Variants in COL6A3 observed in about 807,000 individuals in gnomAD.
COL6A3 encodes collagen alpha-3(VI) chain.
In COL6A3, 137 loss-of-function variants were observed where a neutral mutation model predicts 274.1. That is an observed-to-expected ratio of 0.50 (90% CI 0.44 to 0.58). The LOEUF (loss-of-function observed/expected upper bound fraction) is 0.58. Among genes scored for constraint, COL6A3 ranks in the 20% least tolerant of loss-of-function variants. COL6A3 has a pLI of 0.00. For synonymous variants in COL6A3, 1,650 were observed against 1,650.6 expected (o/e 1.00, Z 0.01); for missense variants, 3,950 against 4,124.9 (o/e 0.96, Z 1.16).
At position 237,381,225 on chromosome 2, in the gene COL6A3, T is replaced by C. The variant is rs574912582; in HGVS notation, c.1587A>G (p.Leu529=). ...TGAATAGGTTGTTACGAACAAAGTC[T>C]AGAGCAGAGCCCGTGTACAGGGCCG... ...DGSALYTGSA[L]DFVRNNLFTS... is the part of the protein sequence containing the mutation. The change falls in exon 5 of 44, where the codon CTA becomes CTG. Residue 529 remains leucine, a synonymous_variant. Transcript: ENST00000295550. 483 of 1,614,256 alleles carry C rather than the reference T, an allele frequency of 3.0e-4. 10 individuals are homozygous for C. In the South Asian group the frequency reaches 5.0e-3, roughly 17 times the overall value.
Position 237,340,661 on chromosome 2 carries a change from A to C in COL6A3, c.8255T>G (p.Leu2752Arg). 1 of 1,614,226 alleles carries C rather than the reference A, an allele frequency of 6.2e-7. No individual in the cohort carries two copies. Among genetic ancestry groups the C allele is most frequent in the Non-Finnish European group, 8.5e-7 (1 of 1,180,044 alleles). Residue 2752 changes from leucine to arginine, a missense_variant, in exon 38 of 44, where the codon CTG becomes CGG. By Grantham distance (102) the Leu-to-Arg change is moderately radical. This residue lies in a region of COL6A3 where 1,284 missense variants were observed against 1,349.7 expected (regional missense o/e 0.95). Coordinates refer to ENST00000295550, the MANE Select transcript of COL6A3 (RefSeq NM_004369.4). ...CAGGATGACTCTCTGGGCCTCCTCC[A>C]GCTGCTGCTCCGGCACCTCGCCCGT... ...MLTGEVPEQQ[L>R]EEAQRVILQA...
chr2:237,409,098 C>G (rs2078790682), intron 1 of COL6A3, among the ~76,000 whole-genome samples: 1 of 152,134 alleles, frequency 6.6e-6, no homozygotes, highest in Admixed American at 6.5e-5. Context: ...CTCTGTGGCC[C>G]TGTCACTGGG....
chr2:237,397,334 G>A (rs1024461583), intron 1 of COL6A3, among the ~76,000 whole-genome samples: 3 of 149,176 alleles, frequency 2.0e-5, no homozygotes, highest in African/African-American at 7.4e-5. Context: ...CGAGAGGGAG[G>A]GAAGGAGGGA....
chr2:237,336,391 T>C lies in COL6A3; in HGVS notation c.8709A>G (p.Pro2903=), dbSNP rs770062985. Residue 2903 remains proline, a synonymous_variant, in exon 40 of 44, where the codon CCA becomes CCG. Transcript: ENST00000295550. ...TTKPVTIINQ[P]SVKPAAAKPA... is the part of the protein sequence containing the mutation. The stretch of plus-strand genomic sequence containing the variant: ...GCTTTGCAGCGGCTGGCTTCACAGA[T>C]GGCTGATTTATAATAGTCACAGGCT... The C allele has an allele frequency of 1.2e-6, 2 of 1,614,270 alleles. No individual in the cohort carries two copies. The highest frequency in any genetic ancestry group is 1.7e-6 in the Non-Finnish European group (2 of 1,180,056).
chr2:237,367,774 C>T (rs2077588563), intron 10 of COL6A3, among the ~76,000 whole-genome samples: 1 of 152,164 alleles, frequency 6.6e-6, no homozygotes, highest in African/African-American at 2.4e-5. Context: ...GGAAGAGGCC[C>T]CTTAACCTTT....
Position 237,368,988 on chromosome 2 carries a change from G to A in COL6A3, c.4475C>T (p.Thr1492Ile), listed in dbSNP as rs2106353134. 1 of 1,614,244 alleles carries A rather than the reference G, an allele frequency of 6.2e-7. No individual in the cohort carries two copies. The highest frequency in any genetic ancestry group is 2.2e-5 in the East Asian group (1 of 44,886). ...CAGCACCGGGGCCTGGGATCTGTAG[G>A]TTTTCAGATAGAATTCTGGGAAGAC... Reference protein sequence around the residue: ...NDVFPEFYLKTYRSQAPVLDA... With the variant: ...NDVFPEFYLKIYRSQAPVLDA... Residue 1492 changes from threonine to isoleucine, a missense_variant, in exon 10 of 44, where the codon ACC becomes ATC. Thr to Ile is a moderately conservative substitution (Grantham distance 89). Around this residue, in one of 5 missense-constraint regions of COL6A3, gnomAD observed 1,934 missense variants for 1,984.3 expected, o/e 0.97. Coordinates refer to ENST00000295550, the MANE Select transcript of COL6A3 (RefSeq NM_004369.4). The surrounding 1 kb of genome is among the most constrained non-coding windows in gnomAD (Gnocchi z 4.4).
chr2:237,379,720 TA>T (rs36094073), intron 5 of COL6A3, among the ~76,000 whole-genome samples: 1 of 151,790 alleles, frequency 6.6e-6, no homozygotes, highest in Non-Finnish European at 1.5e-5. Flanking sequence ...TCCTTAAGGC[TA>T]AAAAAAATAG....
chr2:237,334,176 C>A (rs1559190772), intron 41 of COL6A3, among the ~76,000 whole-genome samples: 1 of 152,212 alleles, frequency 6.6e-6, no homozygotes, highest in South Asian at 2.1e-4. Flanking sequence ...CAGCTATCGA[C>A]ATCCTCCACC....
intron 4 of COL6A3, among the ~76,000 whole-genome samples, chr2:237,384,852 C>T (rs907913571): frequency 2.6e-5 from 4 of 152,188 alleles, no homozygotes; most frequent in Admixed American, 1.3e-4. Context: ...CATCCCCCTA[C>T]AGCAGCTGCT....
chr2:237,364,337 C>G lies in COL6A3; in HGVS notation c.5917+13G>C. The stretch of plus-strand genomic sequence containing the variant: ...GGGTTTACTTCTCATATTTAGAAAG[C>G]CTTGGCACCTACCTTCTTGGCGGAG... On this transcript the variant is annotated intron_variant, in intron 13 of 43. Coordinates refer to ENST00000295550, the MANE Select transcript of COL6A3 (RefSeq NM_004369.4). The surrounding 1 kb of genome is among the most constrained non-coding windows in gnomAD (Gnocchi z 4.6). The G allele has an allele frequency of 6.2e-7, 1 of 1,609,878 alleles. No homozygotes were observed. The highest frequency in any genetic ancestry group is 8.5e-7 in the Non-Finnish European group (1 of 1,176,452).
intron 7 of COL6A3, 24 bp downstream of exon 7, chr2:237,376,748 G>A: frequency 6.2e-7 from 1 of 1,610,208 alleles, no homozygotes; most frequent in Non-Finnish European, 8.5e-7. Flanking sequence ...GAGTGGCAGA[G>A]CAACTAGCAT....
chr2:237,393,753 A>T (rs888564416), intron 3 of COL6A3, among the ~76,000 whole-genome samples: 1 of 152,234 alleles, frequency 6.6e-6, no homozygotes, highest in Admixed American at 6.5e-5. Context: ...TTCCTTCCCC[A>T]TTGGCCATTT....
In COL6A3 at chr2:237,367,006, C is replaced by A. The variant is rs773754862; in HGVS notation, c.5181G>T (p.Arg1727=). ...CTGCCTCAGGCACAAAGTGGTTTAC[C>A]CGCAGGTGCTCAAGGCCCACCTTAG... ...ANTKVGLEHL[R]VNHFVPEAGS... The change falls in exon 11 of 44, where the codon CGG becomes CGT. Residue 1727 remains arginine (R), a synonymous_variant. Coordinates refer to ENST00000295550, the MANE Select transcript of COL6A3 (RefSeq NM_004369.4). 1 of 1,614,230 alleles carries A rather than the reference C, an allele frequency of 6.2e-7. No individual in the cohort carries two copies. The highest frequency in any genetic ancestry group is 8.5e-7 in the Non-Finnish European group (1 of 1,180,044).
chr2:237,328,824 T>A (rs1332317824), intron 42 of COL6A3: 1 of 152,198 alleles, frequency 6.6e-6, no homozygotes, highest in African/African-American at 2.4e-5. Flanking sequence ...GAAGACAGAC[T>A]GAGAGGTGTT....
In COL6A3 at chr2:237,344,203, C is replaced by T. The variant is rs2077050423; in HGVS notation, c.7668+147G>A. On this transcript the variant is annotated intron_variant, in intron 36 of 43. Coordinates refer to ENST00000295550, the MANE Select transcript of COL6A3 (RefSeq NM_004369.4). The surrounding 1 kb of genome is among the most constrained non-coding windows in gnomAD (Gnocchi z 4.8). ...CCACGAGGTTGTCCTGGAGACCTCA[C>T]AAGAGAAGTTCTCAGGCAGATGGCC... The T allele has an allele frequency of 4.8e-6, 6 of 1,248,922 alleles. No individual in the cohort carries two copies. Among genetic ancestry groups the T allele is most frequent in the Non-Finnish European group, 7.0e-6 (6 of 860,422 alleles). The allele number at this position is 1,248,922 out of a possible 1,614,324, so 77.4% of individuals were successfully genotyped here. A position where few individuals can be genotyped will look rare whatever the true frequency, so the allele number is the denominator to read the frequency against.
chr2:237,371,824 G>A lies in COL6A3; in HGVS notation c.4193C>T (p.Pro1398Leu), dbSNP rs1260592433. 6.2e-7 allele frequency: 1 copy of A among 1,613,382 alleles called. No individual in the cohort carries two copies. Among genetic ancestry groups the A allele is most frequent in the African/African-American group, 1.3e-5 (1 of 74,816 alleles). The change falls in exon 9 of 44, where the codon CCC becomes CTC. Residue 1398 changes from proline (P) to leucine (L), a missense_variant. Pro to Leu is a moderately conservative substitution (Grantham distance 98). Transcript: ENST00000295550. The surrounding 1 kb of genome is among the most constrained non-coding windows in gnomAD (Gnocchi z 4.3). ...CGTCAGCAGTTTCTGCTCCAGGCTG[G>A]GCAGCTCCCGGAAGGTGCTCACCGA... is the stretch of plus-strand genomic sequence containing the variant. ...VFSVSTFREL[P>L]SLEQKLLTPI...
In COL6A3 at chr2:237,361,029, A is replaced by G; in HGVS notation, c.6210+92T>C. 1 of 1,092,358 alleles carries G rather than the reference A, an allele frequency of 9.2e-7. No homozygotes were observed. Among genetic ancestry groups the G allele is most frequent in the Middle Eastern group, 2.0e-4 (1 of 5,078 alleles). 67.7% of individuals were successfully genotyped at this position (1,092,358 alleles called of 1,614,324 possible). ...TCTCCCAAAGGGAAAGCCATCAGCA[A>G]CTGAACAAATGATGAAATCCACAAT... is the stretch of plus-strand genomic sequence containing the variant. On this transcript the variant is annotated intron_variant, in intron 16 of 43. Coordinates refer to ENST00000295550, the MANE Select transcript of COL6A3 (RefSeq NM_004369.4). The surrounding 1 kb of genome is among the most constrained non-coding windows in gnomAD (Gnocchi z 5.1).
In COL6A3 at chr2:237,364,301, C is replaced by T. The variant is rs2077500664; in HGVS notation, c.5917+49G>A. On this transcript the variant is annotated intron_variant, in intron 13 of 43. Coordinates refer to ENST00000295550, the MANE Select transcript of COL6A3 (RefSeq NM_004369.4). This position sits in a 1 kb window ranked among gnomAD's most constrained non-coding sequence, Gnocchi z 4.6. ...TTTCTCTCCAGCAGAGCAGTACACC[C>T]CGCCTCACCAGGGTTTACTTCTCAT... 6.9e-7 allele frequency: 1 copy of T among 1,444,398 alleles called. No individual in the cohort carries two copies. The highest frequency in any genetic ancestry group is 1.4e-5 in the African/African-American group (1 of 71,620). The allele number at this position is 1,444,398 out of a possible 1,614,324, so 89.5% of individuals were successfully genotyped here.
At position 237,346,679 on chromosome 2, in the gene COL6A3, G is replaced by A. The variant is rs565457304; in HGVS notation, c.7030-114C>T. The stretch of plus-strand genomic sequence containing the variant: ...CTAACCCAAGGGACTCCATCACCAC[G>A]AAAAATCTCTCACTTTAAGGGAGCT... On this transcript the variant is annotated intron_variant, in intron 31 of 43. Coordinates refer to ENST00000295550, the MANE Select transcript of COL6A3 (RefSeq NM_004369.4). 2.9e-4 allele frequency: 265 copies of A among 919,050 alleles called. 1 individual carries two copies. Among genetic ancestry groups the A allele is most frequent in the Admixed American group, 6.9e-4 (35 of 50,848 alleles). 56.9% of individuals were successfully genotyped at this position (919,050 alleles called of 1,614,324 possible).
Sources: allele counts gnomAD v4.1 joint callset (sites outside exome capture counted in the v4.1 genomes callset), GRCh38; gene constraint gnomAD v4.1.1; regional missense constraint gnomAD v4.1.1; non-coding constraint Gnocchi (gnomAD v3.1); transcripts MANE v1.5; gene names NCBI Gene and HGNC (gene_info 2026-07-23, HGNC 2026-07-21).